ATP5MF: variants seen among roughly 807,000 people sequenced by gnomAD.
ATP5MF encodes the protein ATP synthase membrane subunit f.
In ATP5MF, 10 loss-of-function variants were observed where a neutral mutation model predicts 13.8. The ratio of observed to expected loss-of-function variants is 0.72; its 90% CI spans 0.45 to 1.23. The LOEUF is 1.23. Among genes scored for constraint, ATP5MF ranks in the 50% most tolerant of loss-of-function variants. The pLI is 0.00. For synonymous variants in ATP5MF, 40 were observed against 45.8 expected (o/e 0.87, Z 0.51); for missense variants, 122 against 118.2 (o/e 1.03, Z -0.15).
intron 1 of ATP5MF, 79 bp from the exon 2 acceptor site, chr7:99,460,272 T>G: frequency 6.7e-7 from 1 of 1,497,478 alleles, no homozygotes; most frequent in Non-Finnish European, 9.3e-7. Context: ...TGCCACTGCT[T>G]CAACTATGCA....
chr7:99,462,210 T>C lies in ATP5MF; in HGVS notation c.32-2017A>G, dbSNP rs185430744. Reference sequence around the variant, plus strand: ...GCTCACGCCTGTAATCCCAGCACTTTGGGAAGCTGAGGCGGGAAGATCCTG... The same window carrying C: ...GCTCACGCCTGTAATCCCAGCACTTCGGGAAGCTGAGGCGGGAAGATCCTG... On this transcript the variant is annotated intron_variant, in intron 1 of 3. Coordinates refer to ENST00000292475, the MANE Select transcript of ATP5MF (RefSeq NM_004889.5). Among the ~76,000 whole-genome samples the C allele has an allele frequency of 3.2e-3, 451 of 141,850 alleles. 2 individuals are homozygous for C. The highest frequency in any genetic ancestry group is 0.012 in the African/African-American group (431 of 37,276). The allele number at this position is 141,850 out of a possible 152,430, so 93.1% of individuals were successfully genotyped here.
rs1798536045 is a variant in ATP5MF at position 99,460,191 on chromosome 7, G to A, written c.34C>T (p.Pro12Ser). The A allele has an allele frequency of 2.5e-6, 4 of 1,613,844 alleles. No homozygotes were observed. The highest frequency in any genetic ancestry group is 3.4e-6 in the Non-Finnish European group (4 of 1,179,932). Reference sequence around the variant, plus strand: ...TCCAGAAGTTTCTTGTCCTTCACTGGTACTGAAACGGAAGAGTGAGAAAAA... The same window carrying A: ...TCCAGAAGTTTCTTGTCCTTCACTGATACTGAAACGGAAGAGTGAGAAAAA... ...ASVGECPAPV[P>S]VKDKKLLEVK... Residue 12 changes from proline (P) to serine (S), a missense_variant and splice_region_variant, in exon 2 of 4, where the codon CCA becomes TCA. By Grantham distance (74) the Pro-to-Ser change is moderately conservative. Coordinates refer to ENST00000292475, the MANE Select transcript of ATP5MF (RefSeq NM_004889.5).
chr7:99,463,835 A>C (rs1798723727), intron 1 of ATP5MF, among the ~76,000 whole-genome samples: 2 of 152,190 alleles, frequency 1.3e-5, no homozygotes, highest in Admixed American at 1.3e-4. Flanking sequence ...TTCTGAGCTC[A>C]TGGCCAGACA....
chr7:99,461,708 G>A (rs1441841511), intron 1 of ATP5MF, among the ~76,000 whole-genome samples: 1 of 151,556 alleles, frequency 6.6e-6, no homozygotes, highest in African/African-American at 2.4e-5. Context: ...GCCCAGGCTG[G>A]AGTGCAGTGG....
intron 1 of ATP5MF, chr7:99,460,489 G>A (rs767220835): frequency 4.5e-5 from 28 of 627,146 alleles, no homozygotes; most frequent in Non-Finnish European, 7.6e-5. Context: ...GTAACGTGGC[G>A]GACAGGAAAG....
In ATP5MF at chr7:99,459,221, C is replaced by G; in HGVS notation, c.182G>C (p.Gly61Ala). The change falls in exon 3 of 4, where the codon GGG (glycine) becomes GCG (alanine). Residue 61 changes from glycine to alanine, a missense_variant. By Grantham distance (60) the Gly-to-Ala change is moderately conservative. Transcript: ENST00000292475. ...YYNKYINVKK[G>A]SISGITMVLA... The stretch of plus-strand genomic sequence containing the variant: ...CACCATGGTAATCCCCGAGATGCTC[C>G]CCTTCTTCACATTGATGTACTTGTT... The G allele has an allele frequency of 6.2e-7, 1 of 1,614,152 alleles. No individual in the cohort carries two copies. Among genetic ancestry groups the G allele is most frequent in the Non-Finnish European group, 8.5e-7 (1 of 1,180,014 alleles).
chr7:99,466,116 G>A lies in ATP5MF; in HGVS notation c.26C>T (p.Ala9Val), dbSNP rs117298057. ...CGGAGTCCAAACAGCCTTACCTGGG[G>A]CCGGACACTCACCAACTGACGCCAT... MASVGECP[A>V]PVPVKDKKLL... The change falls in exon 1 of 4, where the codon GCC becomes GTC. Residue 9 changes from alanine to valine, a missense_variant. Physicochemically the swap from Ala to Val is moderately conservative, Grantham distance 64. Coordinates refer to ENST00000292475, the MANE Select transcript of ATP5MF (RefSeq NM_004889.5). 2.5e-6 allele frequency: 4 copies of A among 1,614,178 alleles called. No individual in the cohort carries two copies. In the South Asian group the frequency reaches 3.3e-5, roughly 13 times the overall value.
At chr7:99,460,017 T>C in intron 2 of ATP5MF, 69 bp downstream of exon 2, 1 of 1,530,164 alleles carries the variant, frequency 6.5e-7, no homozygotes, top group Non-Finnish European at 8.8e-7. Flanking sequence ...CCAAATTAAT[T>C]CATGGCAAAA....
intron 2 of ATP5MF, chr7:99,459,806 T>C (rs1453989146): frequency 1.5e-5 from 6 of 389,296 alleles, no homozygotes; most frequent in Non-Finnish European, 9.2e-6. Flanking sequence ...CCAATTCATT[T>C]TCCTCTTAAA....
intron 1 of ATP5MF, among the ~76,000 whole-genome samples, chr7:99,465,282 A>C (rs77208309): frequency 0.068 from 10,301 of 152,086 alleles, 731 homozygotes; most frequent in East Asian, 0.31. Flanking sequence ...ATAAAAAAAA[A>C]CCAGAAACTG....
At chr7:99,464,568 CAGG>C (rs1390387243) in intron 1 of ATP5MF, among the ~76,000 whole-genome samples, 2 of 152,126 alleles carry the variant, frequency 1.3e-5, no homozygotes, top group Non-Finnish European at 2.9e-5. Context: ...GAGGCTGAGG[CAGG>C]AGAATGGCGT....
chr7:99,460,699 ACCCTGGGG>A (rs1798561145), intron 1 of ATP5MF, among the ~76,000 whole-genome samples: 1 of 152,132 alleles, frequency 6.6e-6, no homozygotes, highest in East Asian at 1.9e-4. Context: ...GCCCTGTCCA[ACCCTGGGG>A]ATGTGTCGCT....
In ATP5MF at chr7:99,466,120, G is replaced by A. The variant is rs140907891; in HGVS notation, c.22C>T (p.Pro8Ser). 2 of 1,614,182 alleles carry A rather than the reference G, an allele frequency of 1.2e-6. No homozygotes were observed. Among genetic ancestry groups the A allele is most frequent in the Non-Finnish European group, 1.7e-6 (2 of 1,180,026 alleles). Reference protein sequence around the residue: MASVGECPAPVPVKDKKL... With the variant: MASVGECSAPVPVKDKKL... ...GTCCAAACAGCCTTACCTGGGGCCGGACACTCACCAACTGACGCCATTTTG... is the reference window on the plus strand; with the variant it reads ...GTCCAAACAGCCTTACCTGGGGCCGAACACTCACCAACTGACGCCATTTTG... The change falls in exon 1 of 4, where the codon CCG becomes TCG. Residue 8 changes from proline to serine, a missense_variant. By Grantham distance (74) the Pro-to-Ser change is moderately conservative. Coordinates refer to ENST00000292475, the MANE Select transcript of ATP5MF (RefSeq NM_004889.5).
intron 1 of ATP5MF, among the ~76,000 whole-genome samples, chr7:99,463,021 CCTT>C (rs753404902): frequency 1.3e-5 from 2 of 152,242 alleles, no homozygotes; most frequent in Non-Finnish European, 2.9e-5. Context: ...AGGTACTACT[CCTT>C]CTCAGTTTCC....
At position 99,460,128 on chromosome 7, in the gene ATP5MF, G is replaced by T; in HGVS notation, c.97C>A (p.Arg33=). 6.2e-7 allele frequency: 1 copy of T among 1,614,120 alleles called. No individual in the cohort carries two copies. Among genetic ancestry groups the T allele is most frequent in the East Asian group, 2.2e-5 (1 of 44,882 alleles). Residue 33 remains arginine, a synonymous_variant, in exon 2 of 4, where the codon CGG becomes AGG. Transcript: ENST00000292475. ...LGELPSWILM[R]DFSPSGIFGA... is the part of the protein sequence containing the mutation. ...AAAATGCCACTAGGACTGAAGTCCC[G>T]CATCAAGATCCAGCTTGGCAGCTCC...
chr7:99,464,018 A>G lies in ATP5MF; in HGVS notation c.31+2093T>C, dbSNP rs377593330. The stretch of plus-strand genomic sequence containing the variant: ...CAATACCTAAGAGACATGGACTCCA[A>G]TTTCTTCACCGGGGGTGATGCTGAA... On this transcript the variant is annotated intron_variant, in intron 1 of 3. Coordinates refer to ENST00000292475, the MANE Select transcript of ATP5MF (RefSeq NM_004889.5). 1.5e-4 allele frequency among the ~76,000 whole-genome samples: 23 copies of G among 152,262 alleles called. No homozygotes were observed. The East Asian group carries it at 3.3e-3, about 22-fold the overall frequency.
intron 1 of ATP5MF, among the ~76,000 whole-genome samples, chr7:99,461,419 C>T (rs1444146567): frequency 6.6e-6 from 1 of 151,982 alleles, no homozygotes; most frequent in African/African-American, 2.4e-5. Flanking sequence ...CTATTGAGGG[C>T]AAAGAGTCTA....
intron 3 of ATP5MF, 72 bp from the exon 4 acceptor site, chr7:99,458,427 G>A: frequency 6.7e-7 from 1 of 1,481,570 alleles, no homozygotes; most frequent in Admixed American, 2.0e-5. Context: ...CAGGAAGCAG[G>A]CTGAGATCAC....
rs755040793 is a variant in ATP5MF at position 99,459,191 on chromosome 7, G to A, written c.212C>T (p.Ala71Val). ...GGAGTAGCTAAAGAGCACGTAGCAT[G>A]CCAGCACCATGGTAATCCCCGAGAT... ...GSISGITMVL[A>V]CYVLFSYSFS... is the part of the protein sequence containing the mutation. The change falls in exon 3 of 4, where the codon GCA becomes GTA. Residue 71 changes from alanine (A) to valine (V), a missense_variant. Transcript: ENST00000292475. 6.2e-7 allele frequency: 1 copy of A among 1,614,138 alleles called. No individual in the cohort carries two copies. The highest frequency in any genetic ancestry group is 8.5e-7 in the Non-Finnish European group (1 of 1,180,010).
Sources: allele counts gnomAD v4.1 joint callset (sites outside exome capture counted in the v4.1 genomes callset), GRCh38; gene constraint gnomAD v4.1.1; transcripts MANE v1.5; gene names NCBI Gene and HGNC (gene_info 2026-07-23, HGNC 2026-07-21).